The following CDH20 variants were observed in gnomAD, a reference collection of about 807,000 sequenced individuals.
CDH20 encodes cadherin 20.
Under a neutral mutation model 74.2 loss-of-function variants are expected in CDH20, and 29 were observed. The ratio of observed to expected loss-of-function variants is 0.39; its 90% CI spans 0.29 to 0.53. CDH20 has a LOEUF of 0.53. Among genes scored for constraint, CDH20 ranks in the 20% least tolerant of loss-of-function variants. CDH20 has a pLI of 0.69. For missense variants in CDH20, 988 were observed against 1,048.3 expected (o/e 0.94, Z 0.79); for synonymous variants, 469 against 405.4 (o/e 1.16, Z -1.88).
chr18:61,529,369 G>A (rs775879000), intron 7 of CDH20, among the ~76,000 whole-genome samples: 6 of 152,114 alleles, frequency 3.9e-5, no homozygotes, highest in African/African-American at 9.7e-5. Context: ...TAACAAGAAC[G>A]GCTTTCTCCA....
chr18:61,527,287 A>C lies in CDH20; in HGVS notation c.1018-680A>C, dbSNP rs1419735137. ...TTGTGTGGCACAGTTTCTTGAAAAG[A>C]ATCAATATTGCCTTTGTACTCAAGA... is the stretch of plus-strand genomic sequence containing the variant. On this transcript the variant is annotated intron_variant, in intron 6 of 11. Transcript: ENST00000262717. Among the ~76,000 whole-genome samples the C allele has an allele frequency of 2.0e-5, 3 of 151,008 alleles. No individual in the cohort carries two copies. The Admixed American group carries it at 2.0e-4, about 10-fold the overall frequency.
At chr18:61,371,225 C>A (rs939515951) in intron 1 of CDH20, among the ~76,000 whole-genome samples, 1 of 152,088 alleles carries the variant, frequency 6.6e-6, no homozygotes, top group Non-Finnish European at 1.5e-5. Context: ...TTCATCAGAG[C>A]GCTTTCACTT....
At chr18:61,436,393 C>T (rs755914140) in intron 1 of CDH20, among the ~76,000 whole-genome samples, 5 of 152,172 alleles carry the variant, frequency 3.3e-5, no homozygotes, top group Admixed American at 6.5e-5. Context: ...AGGGTTCCAA[C>T]TTCTCCACAT....
chr18:61,477,472 A>G (rs1490131501), intron 1 of CDH20, among the ~76,000 whole-genome samples: 4 of 152,220 alleles, frequency 2.6e-5, no homozygotes, highest in African/African-American at 9.6e-5. Context: ...GTTTTCTGCA[A>G]TTAAAAGGTG....
intron 1 of CDH20, among the ~76,000 whole-genome samples, chr18:61,468,993 T>C (rs1910064843): frequency 6.6e-6 from 1 of 151,834 alleles, no homozygotes; most frequent in Non-Finnish European, 1.5e-5. Flanking sequence ...ATCAAACCCC[T>C]CCCCTCAAAA....
chr18:61,444,520 G>A (rs1909137783), intron 1 of CDH20, among the ~76,000 whole-genome samples: 2 of 152,296 alleles, frequency 1.3e-5, no homozygotes, highest in Admixed American at 6.5e-5. Context: ...TTGGTAAATG[G>A]AGGTTCTCAG....
intron 2 of CDH20, among the ~76,000 whole-genome samples, chr18:61,493,393 C>T (rs1490320135): frequency 1.3e-5 from 2 of 152,188 alleles, no homozygotes; most frequent in Non-Finnish European, 2.9e-5. Context: ...CTGAAGCACC[C>T]TTTCCATCAT....
chr18:61,391,973 C>T (rs1015767099), intron 1 of CDH20, among the ~76,000 whole-genome samples: 9 of 152,236 alleles, frequency 5.9e-5, no homozygotes, highest in African/African-American at 2.2e-4. Flanking sequence ...CCTCTCATGC[C>T]TTCCTCCTGT....
At chr18:61,508,648 C>T (rs1298442564) in intron 6 of CDH20, among the ~76,000 whole-genome samples, 5 of 146,786 alleles carry the variant, frequency 3.4e-5, no homozygotes, top group African/African-American at 7.5e-5. Context: ...TATTATTTTT[C>T]ATGTTCGAGA....
At chr18:61,466,657 G>A (rs1220418478) in intron 1 of CDH20, among the ~76,000 whole-genome samples, 1 of 152,180 alleles carries the variant, frequency 6.6e-6, no homozygotes, top group Non-Finnish European at 1.5e-5. Context: ...TATCTATCTA[G>A]GGACTAACCT....
intron 6 of CDH20, among the ~76,000 whole-genome samples, chr18:61,527,095 G>A (rs1373927205): frequency 2.0e-5 from 3 of 152,122 alleles, no homozygotes; most frequent in Non-Finnish European, 4.4e-5. Flanking sequence ...CAGAAGAATC[G>A]CTTTAACTTG....
chr18:61,518,571 T>C (rs1245262039), intron 6 of CDH20, among the ~76,000 whole-genome samples: 1 of 151,154 alleles, frequency 6.6e-6, no homozygotes, highest in African/African-American at 2.5e-5. Context: ...GGAATAACAT[T>C]AATATCAACA....
At chr18:61,533,039 G>T (rs1055613700) in intron 7 of CDH20, among the ~76,000 whole-genome samples, 2 of 152,160 alleles carry the variant, frequency 1.3e-5, no homozygotes, top group Non-Finnish European at 2.9e-5. Flanking sequence ...CCCACTACTT[G>T]GGAGATTGAG....
At chr18:61,466,251 C>T (rs1430488461) in intron 1 of CDH20, among the ~76,000 whole-genome samples, 4 of 152,024 alleles carry the variant, frequency 2.6e-5, no homozygotes, top group Non-Finnish European at 4.4e-5. Context: ...TCTCTATTCA[C>T]CGTTTTACAA....
intron 1 of CDH20, among the ~76,000 whole-genome samples, chr18:61,389,056 C>G (rs1350384881): frequency 2.6e-5 from 4 of 152,144 alleles, no homozygotes; most frequent in Non-Finnish European, 5.9e-5. Context: ...GGTCCCCTCA[C>G]AGCAAAATGA....
At chr18:61,477,223 G>A (rs959746539) in intron 1 of CDH20, among the ~76,000 whole-genome samples, 9 of 152,190 alleles carry the variant, frequency 5.9e-5, no homozygotes, top group African/African-American at 1.9e-4. Context: ...GTCTGTTGGA[G>A]AGATCCAAGA....
At chr18:61,361,589 GA>G (rs1226873640) in intron 1 of CDH20, among the ~76,000 whole-genome samples, 1 of 152,176 alleles carries the variant, frequency 6.6e-6, no homozygotes, top group Non-Finnish European at 1.5e-5. Flanking sequence ...AATAGGACCA[GA>G]AGAATCATAA....
intron 1 of CDH20, among the ~76,000 whole-genome samples, chr18:61,483,371 TGAAA>T (rs1910655640): frequency 6.6e-6 from 1 of 152,188 alleles, no homozygotes; most frequent in Non-Finnish European, 1.5e-5. Flanking sequence ...GAGGCTCCGG[TGAAA>T]GGTGATAGGA....
chr18:61,419,847 T>G (rs572412162), intron 1 of CDH20, among the ~76,000 whole-genome samples: 7 of 152,196 alleles, frequency 4.6e-5, no homozygotes, highest in Non-Finnish European at 7.3e-5. Context: ...ATAGAACTAT[T>G]ACCTACCTTG....
Sources: gnomAD v4.1 joint callset for allele counts (sites outside exome capture counted in the v4.1 genomes callset) on GRCh38, gnomAD v4.1.1 for gene constraint, MANE v1.5 for transcripts, NCBI Gene and HGNC (gene_info 2026-07-23, HGNC 2026-07-21) for gene names.